The following GPHN variants were observed in gnomAD, a reference collection of about 807,000 sequenced individuals.
The protein encoded by GPHN is gephyrin.
A neutral mutation model predicts 95.5 loss-of-function variants in GPHN; 17 were observed. The observed-to-expected ratio is 0.18, with a 90% CI of 0.12 to 0.27. The LOEUF is 0.27. Among genes scored for constraint, GPHN ranks in the 10% least tolerant of loss-of-function variants. The pLI, the probability that GPHN is intolerant of heterozygous loss-of-function variation, is 1.00. For synonymous variants in GPHN, 320 were observed against 322.5 expected (o/e 0.99, Z 0.08); for missense variants, 660 against 978.1 (o/e 0.67, Z 4.34).
At chr14:67,685,120 C>T in the GPHN span, 11 of 1,614,166 alleles carry the variant, frequency 6.8e-6, no homozygotes, top group Non-Finnish European at 9.3e-6. Flanking sequence ...GAAAAGCCAC[C>T]ACATCCATCT....
downstream of GPHN, among the ~76,000 whole-genome samples, chr14:67,185,329 A>G (rs911736406): frequency 6.6e-6 from 1 of 152,210 alleles, no homozygotes; most frequent in African/African-American, 2.4e-5. Flanking sequence ...CTGGGAAAGA[A>G]AAGGGGCATT....
the GPHN span, chr14:67,692,405 C>T: frequency 6.2e-7 from 1 of 1,610,730 alleles, no homozygotes; most frequent in Non-Finnish European, 8.5e-7. Context: ...GACCTCAAGA[C>T]CCACAACATA....
intron 5 of GPHN, among the ~76,000 whole-genome samples, chr14:66,893,958 A>C (rs1321712503): frequency 1.3e-5 from 2 of 152,190 alleles, no homozygotes; most frequent in Non-Finnish European, 2.9e-5. Context: ...TTATAGATTT[A>C]ATGCCATCCC....
the GPHN span, among the ~76,000 whole-genome samples, chr14:67,205,571 A>G: frequency 0.032 from 4,838 of 152,346 alleles, 103 homozygotes; most frequent in Middle Eastern, 0.051. Context: ...ATAATAAAAA[A>G]CAAAACAAAG....
the GPHN span, among the ~76,000 whole-genome samples, chr14:67,391,584 G>A: frequency 1.1e-4 from 16 of 152,222 alleles, no homozygotes; most frequent in Non-Finnish European, 2.1e-4. Flanking sequence ...AACGATGGGA[G>A]TGGTGCCGAG....
intron 1 of GPHN, among the ~76,000 whole-genome samples, chr14:66,509,590 A>T (rs2057955028): frequency 6.6e-6 from 1 of 152,132 alleles, no homozygotes; most frequent in Non-Finnish European, 1.5e-5. Flanking sequence ...GTGGTTCTGT[A>T]ATTGGCAAGG....
chr14:67,010,059 G>A (rs555062711), intron 9 of GPHN, among the ~76,000 whole-genome samples: 17 of 151,744 alleles, frequency 1.1e-4, no homozygotes, highest in Non-Finnish European at 1.8e-4. Flanking sequence ...ATGCCCAGCC[G>A]TGTTTTTCTT....
chr14:67,707,693 CTG>C, the GPHN span, among the ~76,000 whole-genome samples: 2 of 152,184 alleles, frequency 1.3e-5, no homozygotes, highest in Non-Finnish European at 2.9e-5. Flanking sequence ...TTTGATGAAA[CTG>C]TGTTCTGTAG....
At chr14:67,244,499 T>C in the GPHN span, among the ~76,000 whole-genome samples, 1 of 152,214 alleles carries the variant, frequency 6.6e-6, no homozygotes, top group East Asian at 1.9e-4. Flanking sequence ...TAACTCTAAT[T>C]TACATGAAAT....
rs548995305 is a variant in GPHN, at chr14:67,033,117, A to G, written c.1006+9442A>G. 1.3e-4 allele frequency among the ~76,000 whole-genome samples: 20 copies of G among 152,352 alleles called. 1 individual carries two copies. In the South Asian group the frequency reaches 4.1e-3, roughly 32 times the overall value. On this transcript the variant is annotated intron_variant, in intron 10 of 22. Transcript: ENST00000478722. ...AACCAAAGAGAAATTCTGGAGCCAAAGGATACAATAACTGAATTGAAAAAC... is the reference window on the plus strand; with the variant it reads ...AACCAAAGAGAAATTCTGGAGCCAAGGGATACAATAACTGAATTGAAAAAC...
In GPHN at chr14:66,589,615, A is replaced by G. The variant is rs144841568; in HGVS notation, c.64+81024A>G. Among the ~76,000 whole-genome samples, 944 of 152,226 alleles carry G rather than the reference A, an allele frequency of 6.2e-3. 12 individuals carry two copies. The highest frequency in any genetic ancestry group is 7.7e-3 in the Non-Finnish European group (522 of 67,994). ...CCATTACATAATGGTAAAGGGATCAATGCAACAAGAGCTAACTATCCTAAA... is the reference window on the plus strand; with the variant it reads ...CCATTACATAATGGTAAAGGGATCAGTGCAACAAGAGCTAACTATCCTAAA... On this transcript the variant is annotated intron_variant, in intron 1 of 22. Coordinates refer to ENST00000478722, the MANE Select transcript of GPHN (RefSeq NM_020806.5).
chr14:66,572,482 CTGTGTGTG>C (rs60787589), intron 1 of GPHN, among the ~76,000 whole-genome samples: 19 of 148,522 alleles, frequency 1.3e-4, no homozygotes, highest in East Asian at 9.8e-4. Flanking sequence ...ATTTATTCCT[CTGTGTGTG>C]TGTGTGTGTG....
At chr14:67,442,412 T>C in the GPHN span, among the ~76,000 whole-genome samples, 1 of 152,206 alleles carries the variant, frequency 6.6e-6, no homozygotes, top group Non-Finnish European at 1.5e-5. Flanking sequence ...TTGAGTTTTA[T>C]CTATTAATAG....
chr14:66,788,057 C>T (rs988396385), intron 3 of GPHN, among the ~76,000 whole-genome samples: 1 of 152,192 alleles, frequency 6.6e-6, no homozygotes, highest in Non-Finnish European at 1.5e-5. Flanking sequence ...AGGCCGGGTG[C>T]AGTGGCACAG....
At chr14:67,528,062 C>T in the GPHN span, among the ~76,000 whole-genome samples, 74 of 152,256 alleles carry the variant, frequency 4.9e-4, no homozygotes, top group Middle Eastern at 0.01. Flanking sequence ...CAGGACCTCT[C>T]GTAGTTCAGC....
chr14:66,997,448 A>G (rs190415363), intron 9 of GPHN, among the ~76,000 whole-genome samples: 11 of 151,886 alleles, frequency 7.2e-5, no homozygotes, highest in Admixed American at 2.0e-4. Context: ...TAATTTCTAC[A>G]TGTATTTACT....
chr14:67,213,180 A>T, the GPHN span, among the ~76,000 whole-genome samples: 4 of 146,956 alleles, frequency 2.7e-5, no homozygotes, highest in Non-Finnish European at 4.5e-5. Flanking sequence ...TATTATTATT[A>T]TACTTTAAGT....
At chr14:67,257,768 C>A in the GPHN span, among the ~76,000 whole-genome samples, 1 of 152,018 alleles carries the variant, frequency 6.6e-6, no homozygotes, top group Non-Finnish European at 1.5e-5. Context: ...ATGCAGAACT[C>A]AGGTAGAGGA....
intron 9 of GPHN, among the ~76,000 whole-genome samples, chr14:67,008,789 C>T (rs1054482769): frequency 1.3e-5 from 2 of 152,102 alleles, no homozygotes; most frequent in African/African-American, 4.8e-5. Flanking sequence ...TCAAGCAATC[C>T]TCTCACCTCA....
Sources: allele counts gnomAD v4.1 joint callset (sites outside exome capture counted in the v4.1 genomes callset), GRCh38; gene constraint gnomAD v4.1.1; transcripts MANE v1.5; gene names NCBI Gene and HGNC (gene_info 2026-07-23, HGNC 2026-07-21).